Variants in ZNF618 observed in about 807,000 individuals in gnomAD.
ZNF618 encodes neural precursor cell expressed, developmentally down-regulated 10.
ZNF618 carries 34 observed loss-of-function variants against 103.0 expected under a neutral mutation model. That is an observed-to-expected ratio of 0.33 (90% CI 0.25 to 0.44). The LOEUF is 0.44. Among genes scored for constraint, ZNF618 ranks in the 20% least tolerant of loss-of-function variants. The probability of loss-of-function intolerance (pLI) is 1.00; values close to 1 mark genes in which losing one functional copy is unlikely to be tolerated. For synonymous variants in ZNF618, 551 were observed against 542.2 expected, an observed-to-expected ratio of 1.02 and a Z score of -0.23; for missense variants, 1,059 against 1,295.4, an observed-to-expected ratio of 0.82 and a Z score of 2.80.
At chr9:113,974,264 G>A (rs1193573543) in intron 2 of ZNF618, among the ~76,000 whole-genome samples, 1 of 152,352 alleles carries the variant, frequency 6.6e-6, no homozygotes, top group South Asian at 2.1e-4. Flanking sequence ...ATCTGAAAGA[G>A]TTGTGGGGGC....
rs75998569 is a variant in ZNF618, at chr9:113,972,348, C to T, written c.77+3188C>T. The stretch of plus-strand genomic sequence containing the variant: ...ACAGATAGGAGCCACCATGCCCACC[C>T]TTTATTTATTAATTTAATGTAATCT... On this transcript the variant is annotated intron_variant, in intron 2 of 14. Transcript: ENST00000374126. 7.4e-3 allele frequency among the ~76,000 whole-genome samples: 1,123 copies of T among 152,286 alleles called. 13 individuals carry two copies. Among genetic ancestry groups the T allele is most frequent in the African/African-American group, 0.026 (1,076 of 41,546 alleles).
rs185396443 is a variant in ZNF618 at position 114,047,234 on chromosome 9, G to C, written c.1247-659G>C. 2.7e-4 allele frequency among the ~76,000 whole-genome samples: 41 copies of C among 152,260 alleles called. No individual in the cohort carries two copies. In the East Asian group the frequency reaches 7.1e-3, roughly 27 times the overall value. ...ACAAAAAACTAGAGAAGTATGTGGA[G>C]GACACATCCAGGAACTGGGAACCTG... is the stretch of plus-strand genomic sequence containing the variant. On this transcript the variant is annotated intron_variant, in intron 13 of 14. Coordinates refer to ENST00000374126, the MANE Select transcript of ZNF618 (RefSeq NM_001318042.2).
intron 6 of ZNF618, among the ~76,000 whole-genome samples, chr9:114,004,765 A>G (rs551020448): frequency 4.6e-5 from 7 of 152,324 alleles, no homozygotes; most frequent in Non-Finnish European, 4.4e-5. Context: ...GGCCCAACTG[A>G]GAAGACTGAG....
At chr9:114,011,706 G>A (rs540116127) in intron 9 of ZNF618, among the ~76,000 whole-genome samples, 1 of 152,326 alleles carries the variant, frequency 6.6e-6, no homozygotes, top group East Asian at 1.9e-4. Context: ...AAACACCCTG[G>A]CAGGAGTGAG....
chr9:113,913,836 T>A (rs532231151), intron 1 of ZNF618, among the ~76,000 whole-genome samples: 1 of 152,282 alleles, frequency 6.6e-6, no homozygotes, highest in East Asian at 1.9e-4. Context: ...ATCTTAGAAG[T>A]TGAGGCTTGT....
chr9:114,029,215 AC>A (rs1157103086), intron 11 of ZNF618, among the ~76,000 whole-genome samples: 1 of 151,872 alleles, frequency 6.6e-6, no homozygotes, highest in Non-Finnish European at 1.5e-5. Context: ...AGGTTTGCAA[AC>A]TTTTTTTTTT....
chr9:113,885,858 C>CA (rs1293576682), intron 1 of ZNF618, among the ~76,000 whole-genome samples: 2 of 152,056 alleles, frequency 1.3e-5, no homozygotes, highest in East Asian at 3.9e-4. Flanking sequence ...ATTGAGTCGA[C>CA]AAAAAAGTGA....
chr9:113,884,558 C>T (rs559953944), intron 1 of ZNF618, among the ~76,000 whole-genome samples: 10 of 152,324 alleles, frequency 6.6e-5, no homozygotes, highest in Non-Finnish European at 1.3e-4. Flanking sequence ...CATTCCCCAT[C>T]CTCTAGCCTG....
At chr9:113,933,895 G>T (rs538561072) in intron 1 of ZNF618, among the ~76,000 whole-genome samples, 1 of 152,060 alleles carries the variant, frequency 6.6e-6, no homozygotes, top group Non-Finnish European at 1.5e-5. Flanking sequence ...CAGCTCCTGT[G>T]GGGGCCAGGA....
At chr9:114,029,507 A>G (rs901886319) in intron 11 of ZNF618, among the ~76,000 whole-genome samples, 5 of 152,160 alleles carry the variant, frequency 3.3e-5, no homozygotes, top group Non-Finnish European at 2.9e-5. Flanking sequence ...GCCATGTGGC[A>G]GGTGTCATTT....
intron 9 of ZNF618, chr9:114,016,238 G>C (rs1842637216): frequency 6.8e-7 from 1 of 1,465,980 alleles, no homozygotes; most frequent in Admixed American, 1.7e-5. Context: ...GGTGGGGGGT[G>C]CTTGGGGGCA....
intron 13 of ZNF618, among the ~76,000 whole-genome samples, chr9:114,040,487 C>T (rs139527628): frequency 2.6e-5 from 4 of 152,148 alleles, no homozygotes; most frequent in South Asian, 4.2e-4. Flanking sequence ...ATCCTCCCCC[C>T]ACCCCACAAC....
At chr9:114,005,391 G>A (rs980461950) in intron 6 of ZNF618, among the ~76,000 whole-genome samples, 3 of 152,158 alleles carry the variant, frequency 2.0e-5, no homozygotes, top group Non-Finnish European at 4.4e-5. Context: ...ACCTGGGAGC[G>A]GGCTCCCCAT....
intron 3 of ZNF618, among the ~76,000 whole-genome samples, chr9:113,996,044 A>C (rs984513513): frequency 3.4e-4 from 52 of 151,880 alleles, no homozygotes; most frequent in Non-Finnish European, 2.8e-4. Flanking sequence ...GGACCTACTT[A>C]CCCCTTGGGC....
intron 1 of ZNF618, among the ~76,000 whole-genome samples, chr9:113,880,693 A>C (rs1828434038): frequency 6.6e-6 from 1 of 152,220 alleles, no homozygotes; most frequent in Non-Finnish European, 1.5e-5. Flanking sequence ...AACAAAAAAT[A>C]GCAGAGGCAT....
chr9:113,923,218 T>C (rs1389269842), intron 1 of ZNF618, among the ~76,000 whole-genome samples: 2 of 152,198 alleles, frequency 1.3e-5, no homozygotes. Flanking sequence ...TGGACAATCA[T>C]ATTATCTGTG....
At chr9:113,888,991 A>G (rs1402756851) in intron 1 of ZNF618, among the ~76,000 whole-genome samples, 1 of 152,192 alleles carries the variant, frequency 6.6e-6, no homozygotes. Flanking sequence ...TTCCACATGC[A>G]AAAATCCTCC....
intron 1 of ZNF618, among the ~76,000 whole-genome samples, chr9:113,967,922 G>A (rs1165361113): frequency 2.7e-5 from 4 of 150,224 alleles, no homozygotes; most frequent in Non-Finnish European, 4.5e-5. Context: ...TGGAGATCTC[G>A]CCTTTTTTCA....
chr9:114,021,876 A>G (rs1843095866), intron 10 of ZNF618, among the ~76,000 whole-genome samples: 1 of 152,092 alleles, frequency 6.6e-6, no homozygotes, highest in African/African-American at 2.4e-5. Context: ...TTCACTCTGC[A>G]TAATTATTTT....
Sources: gnomAD v4.1 joint callset for allele counts (sites outside exome capture counted in the v4.1 genomes callset) on GRCh38, gnomAD v4.1.1 for gene constraint, MANE v1.5 for transcripts, NCBI Gene and HGNC (gene_info 2026-07-23, HGNC 2026-07-21) for gene names.